TRRAP: variants seen among roughly 807,000 people sequenced by gnomAD.
TRRAP encodes the protein transformation/transcription domain associated protein, also known as transformation/transcription domain-associated protein.
In TRRAP, 41 loss-of-function variants were observed where a neutral mutation model predicts 438.8. That is an observed-to-expected ratio of 0.09 (90% confidence interval 0.07 to 0.12). The LOEUF (loss-of-function observed/expected upper bound fraction) is 0.12, where lower values mean the gene tolerates loss of function less well. Ranked by LOEUF, TRRAP falls within the 10% of genes least tolerant of loss-of-function variation. TRRAP has a pLI of 1.00. For missense variants in TRRAP, 3,122 were observed against 5,055.1 expected (o/e 0.62, Z 11.60); for synonymous variants, 1,994 against 1,962.9 (o/e 1.02, Z -0.42).
chr7:98,895,296 G>C (rs185834262), intron 6 of TRRAP, among the ~76,000 whole-genome samples: 70 of 152,246 alleles, frequency 4.6e-4, no homozygotes, highest in East Asian at 3.9e-4. Flanking sequence ...TTATTTTAAT[G>C]GTTATTATGG....
intron 26 of TRRAP, among the ~76,000 whole-genome samples, chr7:98,932,335 G>A (rs1385047832): frequency 2.0e-5 from 3 of 152,008 alleles, no homozygotes; most frequent in South Asian, 4.2e-4. Flanking sequence ...GGGTGGTCTC[G>A]GTCTTCTGAC....
At chr7:98,879,036 T>C (rs1795297634) in intron 1 of TRRAP, among the ~76,000 whole-genome samples, 3 of 151,456 alleles carry the variant, frequency 2.0e-5, no homozygotes, top group Admixed American at 1.3e-4. Context: ...CCTCCGGGCC[T>C]CTACGCCGGC....
intron 67 of TRRAP, among the ~76,000 whole-genome samples, chr7:98,997,668 C>T (rs1459636454): frequency 6.6e-6 from 1 of 151,948 alleles, no homozygotes; most frequent in Non-Finnish European, 1.5e-5. Context: ...TCTCCTAGTC[C>T]AGCAGAGGAA....
chr7:98,909,305 T>C (rs1796948475), intron 14 of TRRAP, among the ~76,000 whole-genome samples: 1 of 152,188 alleles, frequency 6.6e-6, no homozygotes. Context: ...ATTACAGGCG[T>C]GAGCCACCAT....
rs536468249 is a variant in TRRAP, at chr7:99,010,859, AC to A, written c.10939-190del. On this transcript the variant is annotated intron_variant, in intron 70 of 72. Coordinates refer to ENST00000456197, the MANE Select transcript of TRRAP (RefSeq NM_001375524.1). ...GGTGCTTTAGAGCAGACAGTGGCGA[AC>A]CCTGGAGGGAAACAGCCATCTTGTG... 1.5e-3 allele frequency among the ~76,000 whole-genome samples: 229 copies of A among 152,332 alleles called. 2 individuals carry two copies. The highest frequency in any genetic ancestry group is 5.3e-3 in the African/African-American group (219 of 41,580).
At chr7:99,010,961 T>A in intron 70 of TRRAP, 91 bp from the exon 71 acceptor site, 1 of 1,316,606 alleles carries the variant, frequency 7.6e-7, no homozygotes, top group South Asian at 1.4e-5. Context: ...CTCTTGGTGC[T>A]AAGTTAAAGA....
chr7:98,967,741 G>A (rs759984360), intron 51 of TRRAP, 43 bp downstream of exon 51: 2 of 1,583,054 alleles, frequency 1.3e-6, no homozygotes, highest in South Asian at 1.1e-5. Context: ...GGCAGCTGTG[G>A]GTTTTCTGAG....
intron 20 of TRRAP, among the ~76,000 whole-genome samples, chr7:98,920,816 C>T (rs1366297707): frequency 1.3e-5 from 2 of 151,542 alleles, no homozygotes; most frequent in African/African-American, 2.4e-5. Context: ...ACTGCTAAGT[C>T]GCATCCACCT....
chr7:98,931,509 C>G lies in TRRAP; in HGVS notation c.3696C>G (p.Ala1232=). The G allele has an allele frequency of 1.2e-6, 2 of 1,614,084 alleles. No homozygotes were observed. Among genetic ancestry groups the G allele is most frequent in the Non-Finnish European group, 1.7e-6 (2 of 1,179,964 alleles). ...KDEERAEEIV[A]AQEKSFHHVT... ...AGGAGAGAGCCGAAGAGATCGTGGC[C>G]GCCCAGGAAAAGTCTTTCCACCATG... The change falls in exon 26 of 73, where the codon GCC becomes GCG. Residue 1232 remains alanine (A), a synonymous_variant. Coordinates refer to ENST00000456197, the MANE Select transcript of TRRAP (RefSeq NM_001375524.1).
rs148060451 is a variant in TRRAP, at chr7:98,880,545, A to T, written c.-61-545A>T. 1.2e-3 allele frequency among the ~76,000 whole-genome samples: 188 copies of T among 152,204 alleles called. 1 individual carries two copies. In the South Asian group the frequency reaches 0.019, roughly 16 times the overall value. ...CCAAAGTGCTGGGATTCCAGGCGTG[A>T]GCCACTGCGCCTGGCCTGCTGCATG... On this transcript the variant is annotated intron_variant, in intron 1 of 72. Coordinates refer to ENST00000456197, the MANE Select transcript of TRRAP (RefSeq NM_001375524.1).
chr7:98,884,168 CT>C (rs1347728806), intron 3 of TRRAP, among the ~76,000 whole-genome samples: 1 of 152,202 alleles, frequency 6.6e-6, no homozygotes, highest in Non-Finnish European at 1.5e-5. Context: ...TCTTTGCACG[CT>C]GGCTAGGCTT....
At chr7:98,993,242 C>G (rs946801643) in intron 65 of TRRAP, among the ~76,000 whole-genome samples, 8 of 152,262 alleles carry the variant, frequency 5.3e-5, no homozygotes, top group African/African-American at 1.9e-4. Flanking sequence ...CTCACCTGGA[C>G]TCACCAGGCG....
Position 98,993,670 on chromosome 7 carries a change from C to G in TRRAP, c.9980C>G (p.Thr3327Ser). The G allele has an allele frequency of 6.2e-7, 1 of 1,614,236 alleles. No homozygotes were observed. The highest frequency in any genetic ancestry group is 1.1e-5 in the South Asian group (1 of 91,086). Residue 3327 changes from threonine (T) to serine (S), a missense_variant, in exon 66 of 73, where the codon ACC (threonine) becomes AGC (serine). Around this residue, in one of 24 missense-constraint regions of TRRAP, gnomAD observed 107 missense variants for 327.5 expected, o/e 0.33. Coordinates refer to ENST00000456197, the MANE Select transcript of TRRAP (RefSeq NM_001375524.1). ...CACATGCAGCGAGAGCTCCACCCCA[C>G]CCTTCTGTCTTCCCTGGAAGGCATC... ...IMHMQRELHP[T>S]LLSSLEGIVD...
intron 51 of TRRAP, 94 bp from the exon 52 acceptor site, chr7:98,970,018 G>C (rs906903178): frequency 6.8e-7 from 1 of 1,467,914 alleles, no homozygotes; most frequent in Non-Finnish European, 9.3e-7. Flanking sequence ...CAGAGTCAGA[G>C]GTGCCTGAGT....
Position 98,990,613 on chromosome 7 carries a change from T to C in TRRAP, c.9750T>C (p.Ile3250=). 6.2e-7 allele frequency: 1 copy of C among 1,611,632 alleles called. No individual in the cohort carries two copies. The highest frequency in any genetic ancestry group is 8.5e-7 in the Non-Finnish European group (1 of 1,177,828). Residue 3250 remains isoleucine (I), a synonymous_variant, in exon 64 of 73, where the codon ATT becomes ATC. Coordinates refer to ENST00000456197, the MANE Select transcript of TRRAP (RefSeq NM_001375524.1). ...GSEGKLLLNL[I]SQVGRVYPQA... is the part of the protein sequence containing the mutation. ...AGGGAAAGCTGCTCTTGAACCTCAT[T>C]AGCCAGGTGGGAAGAGCAGGGTGGC...
intron 58 of TRRAP, among the ~76,000 whole-genome samples, chr7:98,981,272 C>T (rs942451847): frequency 6.6e-6 from 1 of 152,148 alleles, no homozygotes; most frequent in Non-Finnish European, 1.5e-5. Flanking sequence ...CATGGTGGCA[C>T]ACGCCTGTAA....
chr7:98,950,203 C>T lies in TRRAP; in HGVS notation c.5275C>T (p.Leu1759=), dbSNP rs782067285. The T allele has an allele frequency of 1.8e-5, 29 of 1,614,092 alleles. No homozygotes were observed. The highest frequency in any genetic ancestry group is 2.4e-5 in the Non-Finnish European group (28 of 1,180,048). The change falls in exon 38 of 73, where the codon CTG becomes TTG. Residue 1759 remains leucine, a synonymous_variant. Coordinates refer to ENST00000456197, the MANE Select transcript of TRRAP (RefSeq NM_001375524.1). The part of the protein sequence containing the change: ...KNYSIAQKRA[L]FFRFVDFNDP... ...TTACAGCATCGCTCAGAAACGTGCC[C>T]TGTTCTTTCGCTTTGTAGACTTCAA...
chr7:98,893,996 A>G, intron 6 of TRRAP, 115 bp downstream of exon 6: 1 of 898,812 alleles, frequency 1.1e-6, no homozygotes, highest in South Asian at 1.6e-5. Flanking sequence ...GTGTAGAAAT[A>G]CAGCCTAAGT....
At chr7:98,954,090 C>T (rs1213066581) in intron 40 of TRRAP, among the ~76,000 whole-genome samples, 1 of 152,238 alleles carries the variant, frequency 6.6e-6, no homozygotes, top group Non-Finnish European at 1.5e-5. Flanking sequence ...GGATCCGTAT[C>T]TCATGAGCTT....
Sources: allele counts gnomAD v4.1 joint callset (sites outside exome capture counted in the v4.1 genomes callset), GRCh38; gene constraint gnomAD v4.1.1; regional missense constraint gnomAD v4.1.1; transcripts MANE v1.5; gene names NCBI Gene and HGNC (gene_info 2026-07-23, HGNC 2026-07-21).